Variants in SLCO1B1 observed in about 807,000 individuals in gnomAD.
SLCO1B1 encodes solute carrier organic anion transporter family member 1B1, also known as OATP-2.
A neutral mutation model predicts 70.1 loss-of-function variants in SLCO1B1; 81 were observed. The ratio of observed to expected loss-of-function variants is 1.16; its 90% confidence interval spans 0.97 to 1.39. The LOEUF is 1.39. SLCO1B1 is among the 40% of genes most tolerant of loss of function. The pLI is 0.00. For synonymous variants in SLCO1B1, 283 were observed against 271.5 expected (o/e 1.04, Z -0.42); for missense variants, 895 against 799.6 (o/e 1.12, Z -1.44).
intron 12 of SLCO1B1, among the ~76,000 whole-genome samples, chr12:21,218,115 G>A (rs1941381660): frequency 6.6e-6 from 1 of 152,152 alleles, no homozygotes; most frequent in African/African-American, 2.4e-5. Context: ...TAAAGAAAAA[G>A]CCAAATGAAA....
At chr12:21,215,031 G>A (rs1311844959) in intron 11 of SLCO1B1, among the ~76,000 whole-genome samples, 3 of 152,170 alleles carry the variant, frequency 2.0e-5, no homozygotes, top group Non-Finnish European at 2.9e-5. Context: ...CTTCTGCGTC[G>A]CTCACGCTGG....
At chr12:21,141,933 C>T (rs975436491) in intron 2 of SLCO1B1, among the ~76,000 whole-genome samples, 6 of 151,072 alleles carry the variant, frequency 4.0e-5, no homozygotes, top group African/African-American at 9.7e-5. Flanking sequence ...GGATTGATCA[C>T]GACATATTTA....
intron 7 of SLCO1B1, among the ~76,000 whole-genome samples, chr12:21,195,718 C>T (rs1941083918): frequency 6.6e-6 from 1 of 152,114 alleles, no homozygotes; most frequent in Admixed American, 6.6e-5. Context: ...GGTCATTCTG[C>T]CCTAAGCTAT....
chr12:21,226,576 A>G (rs1484443003), intron 14 of SLCO1B1, among the ~76,000 whole-genome samples: 1 of 152,158 alleles, frequency 6.6e-6, no homozygotes, highest in Non-Finnish European at 1.5e-5. Context: ...TAGGTGGAGC[A>G]CAGGGCATTT....
chr12:21,138,566 G>A (rs1381713122), intron 1 of SLCO1B1, among the ~76,000 whole-genome samples: 5 of 152,104 alleles, frequency 3.3e-5, no homozygotes, highest in African/African-American at 1.2e-4. Flanking sequence ...GGAACAAAGT[G>A]TCCACCTTTT....
intron 10 of SLCO1B1, 31 bp from the exon 11 acceptor site, chr12:21,205,837 T>C: frequency 6.6e-7 from 1 of 1,516,948 alleles, no homozygotes; most frequent in Non-Finnish European, 9.1e-7. Flanking sequence ...TCTCTCTCTC[T>C]TTTTGATATA....
intron 14 of SLCO1B1, among the ~76,000 whole-genome samples, chr12:21,232,910 C>T (rs1294035630): frequency 6.6e-6 from 1 of 152,108 alleles, no homozygotes; most frequent in Non-Finnish European, 1.5e-5. Context: ...GGGGGCCAAG[C>T]CACTTTACAA....
intron 14 of SLCO1B1, among the ~76,000 whole-genome samples, chr12:21,230,904 T>A (rs1941528970): frequency 6.6e-6 from 1 of 152,018 alleles, no homozygotes; most frequent in African/African-American, 2.4e-5. Context: ...ACATGTGCCA[T>A]GTTGGTGTAC....
At chr12:21,231,562 GAAAAAT>G (rs139075706) in intron 14 of SLCO1B1, among the ~76,000 whole-genome samples, 7,955 of 151,330 alleles carry the variant, frequency 0.053, 225 homozygotes, top group African/African-American at 0.065. Flanking sequence ...ACTCAAGTGA[GAAAAAT>G]AAATAAATAA....
intron 7 of SLCO1B1, among the ~76,000 whole-genome samples, chr12:21,185,203 G>C (rs369575923): frequency 2.7e-5 from 4 of 148,770 alleles, no homozygotes; most frequent in African/African-American, 9.7e-5. Flanking sequence ...GTTAGATATC[G>C]AAGCAGAAAA....
At chr12:21,171,547 A>C (rs1374497024) in intron 2 of SLCO1B1, among the ~76,000 whole-genome samples, 1 of 152,178 alleles carries the variant, frequency 6.6e-6, no homozygotes, top group East Asian at 1.9e-4. Context: ...TGTTAGGCAG[A>C]TGTGCACAGA....
At chr12:21,209,853 T>C (rs907606570) in intron 11 of SLCO1B1, among the ~76,000 whole-genome samples, 2 of 152,126 alleles carry the variant, frequency 1.3e-5, no homozygotes, top group Non-Finnish European at 2.9e-5. Context: ...TGCATAAGTG[T>C]CTTCTTTTGA....
intron 14 of SLCO1B1, among the ~76,000 whole-genome samples, chr12:21,234,782 C>G (rs1010101450): frequency 1.3e-5 from 2 of 152,212 alleles, no homozygotes; most frequent in East Asian, 3.9e-4. Context: ...GTGTTCTGCT[C>G]TAATTTTGTT....
chr12:21,216,276 G>T (rs1262541523), intron 11 of SLCO1B1, among the ~76,000 whole-genome samples: 1 of 151,562 alleles, frequency 6.6e-6, no homozygotes, highest in Non-Finnish European at 1.5e-5. Flanking sequence ...ATTATTCCTA[G>T]TGAAAAAAAA....
At chr12:21,154,799 G>T in intron 2 of SLCO1B1, among the ~76,000 whole-genome samples, 1 of 151,920 alleles carries the variant, frequency 6.6e-6, no homozygotes, top group Non-Finnish European at 1.5e-5. Context: ...TACGTGTTTG[G>T]TTGCAGTATT....
At chr12:21,172,380 G>T (rs1215649315) in intron 2 of SLCO1B1, among the ~76,000 whole-genome samples, 1 of 152,122 alleles carries the variant, frequency 6.6e-6, no homozygotes, top group Non-Finnish European at 1.5e-5. Context: ...ATCAGTTAAT[G>T]AGATTAATTT....
At chr12:21,179,140 G>T in intron 7 of SLCO1B1, 120 bp downstream of exon 7, 1 of 690,762 alleles carries the variant, frequency 1.4e-6, no homozygotes, top group South Asian at 1.6e-5. Context: ...TAATTAGAAA[G>T]TTACAAGTAG....
chr12:21,209,019 T>A (rs1486472459), intron 11 of SLCO1B1, among the ~76,000 whole-genome samples: 1 of 151,966 alleles, frequency 6.6e-6, no homozygotes, highest in Non-Finnish European at 1.5e-5. Flanking sequence ...CTAGGAGGCT[T>A]TTGGCAGAGT....
chr12:21,225,420 C>T (rs61926242), intron 14 of SLCO1B1, among the ~76,000 whole-genome samples: 7 of 151,938 alleles, frequency 4.6e-5, no homozygotes, highest in Non-Finnish European at 8.8e-5. Context: ...TTATACTTTA[C>T]CTCTTTAAAA....
Sources: allele counts gnomAD v4.1 joint callset (sites outside exome capture counted in the v4.1 genomes callset), GRCh38; gene constraint gnomAD v4.1.1; transcripts MANE v1.5; gene names NCBI Gene and HGNC (gene_info 2026-07-23, HGNC 2026-07-21).